Variants in DNAH9 observed in about 807,000 individuals in gnomAD.
DNAH9 encodes DNAH9 variant protein.
In DNAH9, 345 loss-of-function variants were observed where a neutral mutation model predicts 471.6. The ratio of observed to expected loss-of-function variants is 0.73; its 90% CI spans 0.67 to 0.80. DNAH9 has a LOEUF of 0.80. DNAH9 is among the 30% of genes least tolerant of loss of function. DNAH9 has a pLI of 0.00. For synonymous variants in DNAH9, 2,093 were observed against 2,123.6 expected (o/e 0.99, Z 0.40); for missense variants, 5,407 against 5,609.2 (o/e 0.96, Z 1.15).
In DNAH9 at chr17:11,955,033, T is replaced by C. The variant is rs145125401; in HGVS notation, c.12844-6834T>C. ...ACAACAGCATGAAAAATGAGAGAAATAGAAGCATATTGTATATGATTCTTA... is the reference window on the plus strand; with the variant it reads ...ACAACAGCATGAAAAATGAGAGAAACAGAAGCATATTGTATATGATTCTTA... On this transcript the variant is annotated intron_variant, in intron 67 of 68. Coordinates refer to ENST00000262442, the MANE Select transcript of DNAH9 (RefSeq NM_001372.4). Among the ~76,000 whole-genome samples the C allele has an allele frequency of 9.6e-3, 1,461 of 152,084 alleles. 23 individuals carry two copies. Among genetic ancestry groups the C allele is most frequent in the African/African-American group, 0.027 (1,126 of 41,474 alleles).
chr17:11,775,844 G>A (rs1348023482), intron 38 of DNAH9, among the ~76,000 whole-genome samples: 1 of 151,936 alleles, frequency 6.6e-6, no homozygotes, highest in East Asian at 1.9e-4. Flanking sequence ...CGCCCGCCTC[G>A]GGCTCCCAAA....
At chr17:11,888,187 T>G (rs1011053118) in intron 57 of DNAH9, among the ~76,000 whole-genome samples, 3 of 151,958 alleles carry the variant, frequency 2.0e-5, no homozygotes, top group Admixed American at 6.6e-5. Context: ...GGTTTCACTG[T>G]GTTAGCCAGG....
At chr17:11,690,566 C>G in intron 20 of DNAH9, 130 bp downstream of exon 20, 2 of 813,292 alleles carry the variant, frequency 2.5e-6, no homozygotes, top group Non-Finnish European at 3.8e-6. Flanking sequence ...AAAGGCACTT[C>G]CCACAGATGC....
chr17:11,608,026 CAAAAGG>C, intron 1 of DNAH9, 97 bp from the exon 2 acceptor site: 1 of 846,502 alleles, frequency 1.2e-6, no homozygotes. Flanking sequence ...CAGTGACCTG[CAAAAGG>C]TTGTATATAG....
rs1973583147 is a variant in DNAH9 at position 11,905,940 on chromosome 17, G to T, written c.11749+131G>T. 6 of 1,213,280 alleles carry T rather than the reference G, an allele frequency of 4.9e-6. No individual in the cohort carries two copies. The Admixed American group carries it at 1.6e-4, about 32-fold the overall frequency. The allele number at this position is 1,213,280 out of a possible 1,614,324, so 75.2% of individuals were successfully genotyped here. On this transcript the variant is annotated intron_variant, in intron 61 of 68. Transcript: ENST00000262442. ...CACTGCAAATCATACAGAAGTCAGG[G>T]TCATTGCTGAAATAAAATCAGAAGA...
intron 48 of DNAH9, among the ~76,000 whole-genome samples, chr17:11,826,979 C>T (rs1222116722): frequency 2.0e-5 from 3 of 151,992 alleles, no homozygotes; most frequent in African/African-American, 7.2e-5. Context: ...CACCCGCCAC[C>T]ATGCCCAGCT....
At chr17:11,602,561 C>G (rs1820373999) in intron 1 of DNAH9, among the ~76,000 whole-genome samples, 1 of 152,212 alleles carries the variant, frequency 6.6e-6, no homozygotes. Flanking sequence ...ACATCATCCA[C>G]TCTCACTGCT....
rs1224122786 is a variant in DNAH9 at position 11,699,813 on chromosome 17, C to G, written c.4955C>G (p.Thr1652Arg). The change falls in exon 23 of 69, where the codon ACA becomes AGA. Residue 1652 changes from threonine (T) to arginine (R), a missense_variant. Transcript: ENST00000262442. ...GATGCCAGTGGGGAACCAACCAAGA[C>G]AAGCCTCGGCATGTACAGCAAAGAA... is the stretch of plus-strand genomic sequence containing the variant. ...QLDASGEPTK[T>R]SLGMYSKEEE... is the part of the protein sequence containing the mutation. 2 of 1,614,184 alleles carry G rather than the reference C, an allele frequency of 1.2e-6. No individual in the cohort carries two copies. The highest frequency in any genetic ancestry group is 2.2e-5 in the East Asian group (1 of 44,878).
chr17:11,810,898 A>T (rs567390162), intron 45 of DNAH9, among the ~76,000 whole-genome samples: 1 of 152,208 alleles, frequency 6.6e-6, no homozygotes, highest in Admixed American at 6.5e-5. Context: ...TCCCCAAAAA[A>T]CTTGACAGAG....
At chr17:11,961,294 A>G (rs146938062) in intron 67 of DNAH9, among the ~76,000 whole-genome samples, 1,622 of 152,288 alleles carry the variant, frequency 0.011, 32 homozygotes, top group African/African-American at 0.037. Flanking sequence ...CAGCCTGGGC[A>G]ATAGAGTGAG....
At chr17:11,807,401 G>T (rs1231177172) in intron 43 of DNAH9, among the ~76,000 whole-genome samples, 1 of 152,076 alleles carries the variant, frequency 6.6e-6, no homozygotes, top group Non-Finnish European at 1.5e-5. Flanking sequence ...GGTGTGGCAG[G>T]GTCAGTTATG....
intron 41 of DNAH9, among the ~76,000 whole-genome samples, chr17:11,793,238 A>C (rs1969123822): frequency 6.6e-6 from 1 of 152,214 alleles, no homozygotes; most frequent in Non-Finnish European, 1.5e-5. Context: ...AAAGTCACAC[A>C]GTTGCTTAGT....
At chr17:11,885,928 G>T (rs1972863792) in intron 56 of DNAH9, among the ~76,000 whole-genome samples, 1 of 152,226 alleles carries the variant, frequency 6.6e-6, no homozygotes, top group African/African-American at 2.4e-5. Flanking sequence ...CTATTTTGGA[G>T]CATAAGGGCA....
At chr17:11,612,655 A>G (rs370920062) in intron 4 of DNAH9, 2 of 152,288 alleles carry the variant, frequency 1.3e-5, no homozygotes, top group Admixed American at 6.5e-5. Flanking sequence ...AAAGTCTATG[A>G]TTAGAAGTAG....
intron 1 of DNAH9, among the ~76,000 whole-genome samples, chr17:11,599,161 G>A (rs1422663864): frequency 6.6e-6 from 1 of 152,100 alleles, no homozygotes; most frequent in Non-Finnish European, 1.5e-5. Context: ...AGGGATCTGG[G>A]TGGAGGCCAG....
chr17:11,660,577 C>A (rs1184444338), intron 14 of DNAH9, among the ~76,000 whole-genome samples: 1 of 152,244 alleles, frequency 6.6e-6, no homozygotes, highest in Middle Eastern at 3.4e-3. Context: ...CCTGCCTTGA[C>A]CTCTCAAACT....
intron 67 of DNAH9, among the ~76,000 whole-genome samples, chr17:11,954,581 G>GA (rs1246349079): frequency 6.6e-6 from 1 of 151,752 alleles, no homozygotes; most frequent in Non-Finnish European, 1.5e-5. Flanking sequence ...CTTTGCCCAG[G>GA]AAAAAATAGC....
rs1351992720 is a variant in DNAH9 at position 11,636,753 on chromosome 17, C to T, written c.1755C>T (p.Tyr585=). 2 of 1,613,982 alleles carry T rather than the reference C, an allele frequency of 1.2e-6. No individual in the cohort carries two copies. Among genetic ancestry groups the T allele is most frequent in the African/African-American group, 1.3e-5 (1 of 74,930 alleles). The part of the protein sequence containing the change: ...NKDLDAVRMI[Y]SQHVQEEAEL... ...ATCTGGATGCAGTGAGGATGATCTA[C>T]AGTCAGCACGTCCAGGAGGAAGCAG... Residue 585 remains tyrosine, a synonymous_variant, in exon 9 of 69, where the codon TAC becomes TAT. Coordinates refer to ENST00000262442, the MANE Select transcript of DNAH9 (RefSeq NM_001372.4).
chr17:11,760,451 A>C (rs1282133872), intron 35 of DNAH9, among the ~76,000 whole-genome samples: 2 of 152,162 alleles, frequency 1.3e-5, no homozygotes, highest in African/African-American at 2.4e-5. Context: ...ATCCAGAGGC[A>C]ACTCTCCCCC....
Sources: gnomAD v4.1 joint callset for allele counts (sites outside exome capture counted in the v4.1 genomes callset) on GRCh38, gnomAD v4.1.1 for gene constraint, MANE v1.5 for transcripts, NCBI Gene and HGNC (gene_info 2026-07-23, HGNC 2026-07-21) for gene names.